Variants in RPRD1A observed in about 807,000 individuals in gnomAD.
RPRD1A encodes the protein regulation of nuclear pre-mRNA domain containing 1A, also known as regulation of nuclear pre-mRNA domain-containing protein 1A.
A neutral mutation model predicts 37.8 loss-of-function variants in RPRD1A; 9 were observed. That is an observed-to-expected ratio of 0.24 (90% CI 0.14 to 0.42). RPRD1A has a LOEUF of 0.42. Ranked by LOEUF, RPRD1A falls within the 10% of genes least tolerant of loss-of-function variation. The pLI, the probability that RPRD1A is intolerant of heterozygous loss-of-function variation, is 1.00. For synonymous variants in RPRD1A, 138 were observed against 139.7 expected (o/e 0.99, Z 0.08); for missense variants, 255 against 371.0 (o/e 0.69, Z 2.57).
Position 36,025,698 on chromosome 18 carries a change from G to T in RPRD1A, c.789+1202C>A, listed in dbSNP as rs902232711. On this transcript the variant is annotated intron_variant, in intron 6 of 6. Coordinates refer to ENST00000399022, the MANE Select transcript of RPRD1A (RefSeq NM_018170.5). ...CAATATCTGCAACAGAAGCTCAATA[G>T]AAGTTAAAGAAACCATACTAAAAGA... is the stretch of plus-strand genomic sequence containing the variant. 5 of 1,247,952 alleles carry T rather than the reference G, an allele frequency of 4.0e-6. No individual in the cohort carries two copies. In the South Asian group the frequency reaches 6.5e-5, roughly 16 times the overall value. The allele number at this position is 1,247,952 out of a possible 1,614,324, so 77.3% of individuals were successfully genotyped here.
rs929816579 is a variant in RPRD1A, at chr18:36,067,519, G to T, written c.-115C>A. The T allele has an allele frequency of 6.2e-6, 7 of 1,132,382 alleles. No homozygotes were observed. In the Admixed American group the frequency reaches 7.8e-5, roughly 13 times the overall value. 70.1% of individuals were successfully genotyped at this position (1,132,382 alleles called of 1,614,324 possible). On this transcript the variant is annotated 5_prime_UTR_variant, in exon 1 of 7. Transcript: ENST00000399022. ...CCACCCTTCCCCACGCTCTCACCACGGCCGCCGCTTCATCCAAGACCGGCC... is the reference window on the plus strand; with the variant it reads ...CCACCCTTCCCCACGCTCTCACCACTGCCGCCGCTTCATCCAAGACCGGCC...
chr18:36,038,425 T>C (rs1158175078), intron 1 of RPRD1A, among the ~76,000 whole-genome samples: 1 of 152,166 alleles, frequency 6.6e-6, no homozygotes, highest in Non-Finnish European at 1.5e-5. Flanking sequence ...TGTGGGCCTG[T>C]GGATGCACAG....
intron 6 of RPRD1A, among the ~76,000 whole-genome samples, chr18:36,015,213 C>CA (rs1430921314): frequency 1.5e-5 from 2 of 131,324 alleles, no homozygotes; most frequent in East Asian, 4.4e-4. Context: ...CATTCACATA[C>CA]TTTTTTTTTT....
At chr18:35,999,017 A>G (rs931189003) in intron 6 of RPRD1A, among the ~76,000 whole-genome samples, 7 of 152,252 alleles carry the variant, frequency 4.6e-5, no homozygotes, top group Non-Finnish European at 1.0e-4. Flanking sequence ...CAAGTCCTAC[A>G]TTAAGACCAA....
At chr18:35,993,379 G>T in intron 6 of RPRD1A, 79 bp from the exon 7 acceptor site, 2 of 1,425,978 alleles carry the variant, frequency 1.4e-6, no homozygotes, top group Non-Finnish European at 1.9e-6. Flanking sequence ...ATAAACCCAG[G>T]TACTATATAT....
At chr18:36,009,880 A>G (rs1005129760) in intron 6 of RPRD1A, among the ~76,000 whole-genome samples, 13 of 152,192 alleles carry the variant, frequency 8.5e-5, no homozygotes, top group African/African-American at 3.1e-4. Flanking sequence ...TGAACAGTGC[A>G]GCTCTGTAAC....
chr18:36,045,217 G>C (rs907363883), intron 1 of RPRD1A, among the ~76,000 whole-genome samples: 5 of 152,126 alleles, frequency 3.3e-5, no homozygotes, highest in Non-Finnish European at 7.3e-5. Flanking sequence ...TCCATCCTGG[G>C]TGACAGAGCA....
At chr18:36,020,138 T>A (rs1910895115) in intron 6 of RPRD1A, among the ~76,000 whole-genome samples, 1 of 152,176 alleles carries the variant, frequency 6.6e-6, no homozygotes, top group Non-Finnish European at 1.5e-5. Flanking sequence ...ATGTAATTCA[T>A]CCTGAGGAAT....
At chr18:35,996,117 T>C (rs1262690989) in intron 6 of RPRD1A, among the ~76,000 whole-genome samples, 1 of 152,252 alleles carries the variant, frequency 6.6e-6, no homozygotes, top group Non-Finnish European at 1.5e-5. Context: ...CTTTAGTCAA[T>C]GTGTCAATAT....
At position 36,030,826 on chromosome 18, in the gene RPRD1A, A is replaced by T; in HGVS notation, c.468T>A (p.Ser156=). ...DENENCSSLG[S]PSEPPQTLDL... is the part of the protein sequence containing the mutation. The stretch of plus-strand genomic sequence containing the variant: ...TTTCTACCTGTGGTGGTTCACTTGG[A>T]GATCCCAGAGAGGAACAGTTTTCAT... Residue 156 remains serine (S), a synonymous_variant, in exon 4 of 7, where the codon TCT becomes TCA. Coordinates refer to ENST00000399022, the MANE Select transcript of RPRD1A (RefSeq NM_018170.5). 1 of 1,610,916 alleles carries T rather than the reference A, an allele frequency of 6.2e-7. No individual in the cohort carries two copies. The highest frequency in any genetic ancestry group is 1.7e-5 in the Admixed American group (1 of 59,666).
Position 35,992,030 on chromosome 18 carries a change from AACAC to A in RPRD1A, c.*1117_*1120del, listed in dbSNP as rs1908745399. ...CAGCAGGAGAGCATGCAACTGCTCTAACACACAGGGTCAGAAATAAAAGGTAAAA... is the reference window on the plus strand; with the variant it reads ...CAGCAGGAGAGCATGCAACTGCTCTAACAGGGTCAGAAATAAAAGGTAAAA... On this transcript the variant is annotated 3_prime_UTR_variant, in exon 7 of 7. Coordinates refer to ENST00000399022, the MANE Select transcript of RPRD1A (RefSeq NM_018170.5). The A allele has an allele frequency of 6.6e-6, 1 of 152,656 alleles. No homozygotes were observed. The highest frequency in any genetic ancestry group is 1.5e-5 in the Non-Finnish European group (1 of 68,032). 9.5% of individuals were successfully genotyped at this position (152,656 alleles called of 1,614,324 possible).
At chr18:36,064,863 C>G (rs916324845) in intron 1 of RPRD1A, among the ~76,000 whole-genome samples, 1 of 152,054 alleles carries the variant, frequency 6.6e-6, no homozygotes, top group Admixed American at 6.5e-5. Context: ...ACACTCACCG[C>G]GAAGGTCTGC....
intron 1 of RPRD1A, among the ~76,000 whole-genome samples, chr18:36,066,494 C>T (rs1207913158): frequency 3.3e-5 from 5 of 152,198 alleles, no homozygotes; most frequent in Non-Finnish European, 7.3e-5. Context: ...TTTTCAGTCG[C>T]ACTAGGATAA....
chr18:36,027,511 G>A (rs988109479), intron 4 of RPRD1A: 2 of 541,934 alleles, frequency 3.7e-6, no homozygotes, highest in Non-Finnish European at 6.5e-6. Context: ...AATATAAACA[G>A]GACAAGGCCC....
chr18:36,020,693 T>C (rs948206719), intron 6 of RPRD1A, among the ~76,000 whole-genome samples: 3 of 151,996 alleles, frequency 2.0e-5, no homozygotes, highest in Non-Finnish European at 2.9e-5. Flanking sequence ...GGCCAGGCAT[T>C]GTGAGGTACA....
chr18:36,050,428 G>A (rs920691123), intron 1 of RPRD1A, among the ~76,000 whole-genome samples: 1 of 151,894 alleles, frequency 6.6e-6, no homozygotes, highest in Non-Finnish European at 1.5e-5. Flanking sequence ...AGGTGCTACT[G>A]GTTTTCACCC....
At chr18:36,007,991 T>TG (rs1909857218) in intron 6 of RPRD1A, among the ~76,000 whole-genome samples, 1 of 151,946 alleles carries the variant, frequency 6.6e-6, no homozygotes. Flanking sequence ...CTCATGCTTA[T>TG]AGTCTCAGCC....
chr18:36,034,757 GGATTT>G (rs1912071608), intron 1 of RPRD1A, among the ~76,000 whole-genome samples: 1 of 152,204 alleles, frequency 6.6e-6, no homozygotes, highest in East Asian at 1.9e-4. Context: ...CTATCTTATT[GGATTT>G]AAGACAAAAA....
chr18:36,030,179 T>G (rs1034109292), intron 4 of RPRD1A, among the ~76,000 whole-genome samples: 1 of 151,516 alleles, frequency 6.6e-6, no homozygotes, highest in African/African-American at 2.4e-5. Flanking sequence ...GAATGAAAAT[T>G]TTAGTGTATT....
Sources: allele counts gnomAD v4.1 joint callset (sites outside exome capture counted in the v4.1 genomes callset), GRCh38; gene constraint gnomAD v4.1.1; transcripts MANE v1.5; gene names NCBI Gene and HGNC (gene_info 2026-07-23, HGNC 2026-07-21).